KCNH7: variants seen among roughly 807,000 people sequenced by gnomAD.
KCNH7 encodes the protein voltage-gated inwardly rectifying potassium channel KCNH7.
In KCNH7, 49 loss-of-function variants were observed where a neutral mutation model predicts 120.8. That is an observed-to-expected ratio of 0.41 (90% confidence interval 0.32 to 0.51). KCNH7 has a LOEUF of 0.51. Ranked by LOEUF, KCNH7 falls within the 20% of genes least tolerant of loss-of-function variation. The probability of loss-of-function intolerance (pLI) is 0.38; values close to 1 mark genes in which losing one functional copy is unlikely to be tolerated. For synonymous variants in KCNH7, 547 were observed against 516.1 expected, an observed-to-expected ratio of 1.06 and a Z score of -0.81; for missense variants, 1,097 against 1,446.6, an observed-to-expected ratio of 0.76 and a Z score of 3.92.
At chr2:162,464,214 C>T (rs1355548707) in intron 6 of KCNH7, among the ~76,000 whole-genome samples, 1 of 151,928 alleles carries the variant, frequency 6.6e-6, no homozygotes, top group African/African-American at 2.4e-5. Context: ...GATTCATTAG[C>T]TTCCTATTTT....
At chr2:162,612,407 C>G (rs1160985145) in intron 2 of KCNH7, among the ~76,000 whole-genome samples, 1 of 152,096 alleles carries the variant, frequency 6.6e-6, no homozygotes, top group Non-Finnish European at 1.5e-5. Context: ...GAGAAAACAT[C>G]TCCTCTAAAA....
intron 2 of KCNH7, among the ~76,000 whole-genome samples, chr2:162,651,866 C>T (rs10803783): frequency 0.23 from 34,352 of 152,004 alleles, 6,139 homozygotes; most frequent in African/African-American, 0.49. Flanking sequence ...CCAGCATCTG[C>T]TATTTTTTGG....
intron 8 of KCNH7, among the ~76,000 whole-genome samples, chr2:162,432,431 T>A: frequency 6.6e-6 from 1 of 152,116 alleles, no homozygotes; most frequent in Non-Finnish European, 1.5e-5. Flanking sequence ...ACATTTTATA[T>A]AAAGTAGACA....
At chr2:162,410,192 A>G (rs2105463658) in intron 9 of KCNH7, among the ~76,000 whole-genome samples, 1 of 152,250 alleles carries the variant, frequency 6.6e-6, no homozygotes, top group East Asian at 1.9e-4. Context: ...CTACAAGGTT[A>G]CAGTAACCAA....
intron 2 of KCNH7, among the ~76,000 whole-genome samples, chr2:162,743,368 G>C (rs1412734319): frequency 6.6e-6 from 1 of 151,978 alleles, no homozygotes; most frequent in Non-Finnish European, 1.5e-5. Flanking sequence ...AGGGAGGAAA[G>C]AAAGAGAAAG....
chr2:162,479,682 T>TGTGC (rs1689863545), intron 6 of KCNH7, among the ~76,000 whole-genome samples: 1 of 151,494 alleles, frequency 6.6e-6, no homozygotes, highest in African/African-American at 2.4e-5. Flanking sequence ...CATGTGTGTG[T>TGTGC]GTGTGTGTGT....
chr2:162,418,197 T>C (rs1049850889), intron 9 of KCNH7, among the ~76,000 whole-genome samples: 7 of 152,170 alleles, frequency 4.6e-5, no homozygotes, highest in African/African-American at 1.7e-4. Context: ...TATGTATTTA[T>C]AGAAAACCAA....
intron 2 of KCNH7, among the ~76,000 whole-genome samples, chr2:162,803,716 G>GTA (rs1316455969): frequency 1.3e-5 from 2 of 151,618 alleles, no homozygotes; most frequent in Non-Finnish European, 3.0e-5. Context: ...TTTTACTTTG[G>GTA]TATATAATTC....
intron 6 of KCNH7, among the ~76,000 whole-genome samples, chr2:162,475,403 G>A (rs533674642): frequency 5.9e-5 from 9 of 152,266 alleles, no homozygotes; most frequent in East Asian, 3.9e-4. Flanking sequence ...GCCAAATAGC[G>A]TGGCATGAGG....
chr2:162,532,962 G>T (rs1691978772), intron 3 of KCNH7, among the ~76,000 whole-genome samples: 1 of 151,836 alleles, frequency 6.6e-6, no homozygotes, highest in African/African-American at 2.4e-5. Flanking sequence ...ATAGAATATT[G>T]TTGACGAAAA....
intron 2 of KCNH7, among the ~76,000 whole-genome samples, chr2:162,718,360 G>T (rs1044053377): frequency 6.6e-5 from 10 of 151,822 alleles, no homozygotes; most frequent in African/African-American, 1.9e-4. Flanking sequence ...CATGTTTCTT[G>T]CAACTTTTTA....
At chr2:162,664,593 C>A (rs1685072151) in intron 2 of KCNH7, among the ~76,000 whole-genome samples, 1 of 152,012 alleles carries the variant, frequency 6.6e-6, no homozygotes, top group Non-Finnish European at 1.5e-5. Context: ...CTTCATGAGA[C>A]TTGGTGAGAA....
intron 14 of KCNH7, among the ~76,000 whole-genome samples, chr2:162,377,961 A>G (rs1250249303): frequency 6.6e-6 from 1 of 152,176 alleles, no homozygotes; most frequent in Non-Finnish European, 1.5e-5. Context: ...CTTAGAACAA[A>G]TGTTTTAAGC....
intron 9 of KCNH7, among the ~76,000 whole-genome samples, chr2:162,412,105 A>C (rs1486552461): frequency 6.6e-6 from 1 of 152,060 alleles, no homozygotes; most frequent in African/African-American, 2.4e-5. Flanking sequence ...TAAACCAAAC[A>C]AAAACAAATT....
At chr2:162,379,289 C>A (rs562336933) in intron 14 of KCNH7, among the ~76,000 whole-genome samples, 1 of 152,086 alleles carries the variant, frequency 6.6e-6, no homozygotes, top group Non-Finnish European at 1.5e-5. Flanking sequence ...AAAGAAACCA[C>A]GCAGACTTAG....
At chr2:162,763,120 T>A (rs1039105002) in intron 2 of KCNH7, among the ~76,000 whole-genome samples, 1 of 152,136 alleles carries the variant, frequency 6.6e-6, no homozygotes, top group African/African-American at 2.4e-5. Flanking sequence ...TAAGATTCCA[T>A]CCAACTGACT....
rs1408677926 is a variant in KCNH7 at position 162,371,837 on chromosome 2, C to A, written c.3583G>T (p.Gly1195Trp). Residue 1195 changes from glycine (G) to tryptophan (W), a missense_variant, in exon 16 of 16, where the codon GGG becomes TGG. By Grantham distance (184) the Gly-to-Trp change is radical. Transcript: ENST00000332142. ...TAAATAGTACAAAATGATTATTTCC[C>A]TGGAAGACCAGGATCAGAAACATGC... Reference protein sequence around the residue: ...HRHVSDPGLPGK With the variant: ...HRHVSDPGLPWK The A allele has an allele frequency of 1.9e-6, 3 of 1,607,784 alleles. No homozygotes were observed. In the African/African-American group the frequency reaches 4.0e-5, roughly 21 times the overall value.
chr2:162,379,132 T>C (rs952221794), intron 14 of KCNH7, among the ~76,000 whole-genome samples: 12 of 152,320 alleles, frequency 7.9e-5, no homozygotes, highest in African/African-American at 2.9e-4. Context: ...TGCAGTTTTC[T>C]GTCTGGGACC....
intron 2 of KCNH7, among the ~76,000 whole-genome samples, chr2:162,783,138 T>C (rs570576431): frequency 6.6e-6 from 1 of 152,270 alleles, no homozygotes; most frequent in South Asian, 2.1e-4. Context: ...AGCAACAGTT[T>C]CCTACAGACA....
Sources: gnomAD v4.1 joint callset for allele counts (sites outside exome capture counted in the v4.1 genomes callset) on GRCh38, gnomAD v4.1.1 for gene constraint, MANE v1.5 for transcripts, NCBI Gene and HGNC (gene_info 2026-07-23, HGNC 2026-07-21) for gene names.